The following ZMIZ1 variants were observed in gnomAD, a reference collection of about 807,000 sequenced individuals.
ZMIZ1 encodes the protein zinc finger MIZ domain-containing protein 1.
In ZMIZ1, 17 loss-of-function variants were observed where a neutral mutation model predicts 113.9. The observed-to-expected ratio is 0.15, with a 90% confidence interval of 0.10 to 0.22. The LOEUF (loss-of-function observed/expected upper bound fraction) is 0.22, where lower values mean the gene tolerates loss of function less well. Among genes scored for constraint, ZMIZ1 ranks in the 10% least tolerant of loss-of-function variants. The pLI is 1.00. For synonymous variants in ZMIZ1, 607 were observed against 603.1 expected, an observed-to-expected ratio of 1.01 and a Z score of -0.09; for missense variants, 1,059 against 1,477.8, an observed-to-expected ratio of 0.72 and a Z score of 4.65.
At position 79,204,118 on chromosome 10, in the gene ZMIZ1, C is replaced by G. The variant is rs562332544; in HGVS notation, c.60+2426C>G. Among the ~76,000 whole-genome samples the G allele has an allele frequency of 7.9e-5, 12 of 152,348 alleles. No homozygotes were observed. In the South Asian group the frequency reaches 1.7e-3, roughly 21 times the overall value. ...CTGTTGATTCTCAGGCATCCTGTAACCTAATCAGAAGAGAAAGGCAAGCAT... is the reference window on the plus strand; with the variant it reads ...CTGTTGATTCTCAGGCATCCTGTAAGCTAATCAGAAGAGAAAGGCAAGCAT... On this transcript the variant is annotated intron_variant, in intron 5 of 24. Transcript: ENST00000334512.
intron 1 of ZMIZ1, among the ~76,000 whole-genome samples, chr10:79,074,996 A>G (rs561088910): frequency 1.8e-4 from 27 of 152,322 alleles, no homozygotes; most frequent in African/African-American, 4.8e-4. Context: ...TTAGATTTCA[A>G]TGCTCCCCTA....
At chr10:79,205,162 T>C (rs1052076126) in intron 5 of ZMIZ1, among the ~76,000 whole-genome samples, 5 of 152,252 alleles carry the variant, frequency 3.3e-5, no homozygotes, top group African/African-American at 1.2e-4. Context: ...TGAGGAATTA[T>C]AGAGATGGGC....
chr10:79,273,981 A>G (rs1462927688), intron 7 of ZMIZ1, among the ~76,000 whole-genome samples: 2 of 152,224 alleles, frequency 1.3e-5, no homozygotes, highest in Admixed American at 1.3e-4. Context: ...GCTGCATTTT[A>G]TGAAGGGGGA....
At chr10:79,136,092 C>G (rs1310856614) in intron 2 of ZMIZ1, among the ~76,000 whole-genome samples, 2 of 152,208 alleles carry the variant, frequency 1.3e-5, no homozygotes, top group Non-Finnish European at 2.9e-5. Context: ...TTGGCCACCC[C>G]AGTCCTCCAG....
intron 8 of ZMIZ1, among the ~76,000 whole-genome samples, chr10:79,278,790 G>T (rs1044383862): frequency 2.0e-5 from 3 of 152,056 alleles, no homozygotes; most frequent in African/African-American, 7.3e-5. Flanking sequence ...CAAGGCAGAA[G>T]AATTTTTCTT....
chr10:79,304,960 G>C (rs149685321), intron 19 of ZMIZ1, among the ~76,000 whole-genome samples: 1 of 152,300 alleles, frequency 6.6e-6, no homozygotes, highest in Non-Finnish European at 1.5e-5. Context: ...ATGGGAGGTG[G>C]TGTGAGGGAT....
chr10:79,222,860 G>A (rs531994502), intron 7 of ZMIZ1, among the ~76,000 whole-genome samples: 1 of 152,184 alleles, frequency 6.6e-6, no homozygotes, highest in East Asian at 1.9e-4. Flanking sequence ...ATTGTTGGGA[G>A]AGGCACAGGT....
intron 24 of ZMIZ1, among the ~76,000 whole-genome samples, chr10:79,312,088 C>T (rs1855210024): frequency 6.6e-6 from 1 of 152,248 alleles, no homozygotes; most frequent in South Asian, 2.1e-4. Context: ...ATGTGACAGA[C>T]TCCAAGGATA....
At chr10:79,277,397 T>A in intron 8 of ZMIZ1, 72 bp downstream of exon 8, 1 of 1,481,326 alleles carries the variant, frequency 6.8e-7, no homozygotes, top group Non-Finnish European at 9.0e-7. Context: ...CTTGGACATG[T>A]CCCTGGGGTG....
chr10:79,286,452 G>A (rs1589566334), intron 8 of ZMIZ1, among the ~76,000 whole-genome samples: 2 of 152,218 alleles, frequency 1.3e-5, no homozygotes, highest in Admixed American at 6.5e-5. Flanking sequence ...CTGTCGGTGC[G>A]GCTGCCACTT....
chr10:79,119,394 A>T (rs890683444), intron 2 of ZMIZ1, among the ~76,000 whole-genome samples: 16 of 152,200 alleles, frequency 1.1e-4, no homozygotes, highest in Admixed American at 6.5e-4. Flanking sequence ...GTACTGTGCA[A>T]AGTACTATAG....
chr10:79,262,654 A>T (rs981538875), intron 7 of ZMIZ1, among the ~76,000 whole-genome samples: 6 of 152,268 alleles, frequency 3.9e-5, no homozygotes, highest in Non-Finnish European at 7.3e-5. Flanking sequence ...TCAGTGTTCT[A>T]TAAATTCAGT....
chr10:79,160,075 G>A (rs747591419), intron 3 of ZMIZ1, among the ~76,000 whole-genome samples: 11 of 152,236 alleles, frequency 7.2e-5, no homozygotes, highest in Non-Finnish European at 1.3e-4. Context: ...TTGCCTTTGG[G>A]AAAGGCCTAG....
chr10:79,240,452 C>G (rs957147404), intron 7 of ZMIZ1, among the ~76,000 whole-genome samples: 2 of 152,048 alleles, frequency 1.3e-5, no homozygotes, highest in Non-Finnish European at 2.9e-5. Context: ...TTGGAGTGCC[C>G]GTATTTCTGT....
intron 18 of ZMIZ1, 25 bp downstream of exon 18, chr10:79,302,237 G>A (rs1360243519): frequency 1.9e-6 from 3 of 1,606,182 alleles, no homozygotes; most frequent in East Asian, 2.2e-5. Flanking sequence ...GGACGGGGGT[G>A]AGGGCCAGAC....
intron 1 of ZMIZ1, among the ~76,000 whole-genome samples, chr10:79,102,908 C>T (rs916732627): frequency 1.3e-5 from 2 of 152,184 alleles, no homozygotes; most frequent in Non-Finnish European, 2.9e-5. Context: ...AGCCAGTGAT[C>T]TAAACATTGG....
intron 24 of ZMIZ1, among the ~76,000 whole-genome samples, chr10:79,312,011 G>A (rs1483765630): frequency 6.6e-6 from 1 of 152,210 alleles, no homozygotes; most frequent in Non-Finnish European, 1.5e-5. Context: ...AGCCATCTCA[G>A]GTCCTTGCCC....
At chr10:79,305,717 G>T in intron 21 of ZMIZ1, 116 bp downstream of exon 21, 1 of 1,057,364 alleles carries the variant, frequency 9.5e-7, no homozygotes, top group South Asian at 1.3e-5. Context: ...AGCAGACCGT[G>T]ACCCACATCC....
At chr10:79,134,573 G>GC (rs986305063) in intron 2 of ZMIZ1, among the ~76,000 whole-genome samples, 5 of 152,196 alleles carry the variant, frequency 3.3e-5, no homozygotes, top group African/African-American at 1.2e-4. Flanking sequence ...CCTGGGCTTT[G>GC]CCCCACGGCA....
Sources: gnomAD v4.1 joint callset for allele counts (sites outside exome capture counted in the v4.1 genomes callset) on GRCh38, gnomAD v4.1.1 for gene constraint, MANE v1.5 for transcripts, NCBI Gene and HGNC (gene_info 2026-07-23, HGNC 2026-07-21) for gene names.